WDR62: variants seen among roughly 807,000 people sequenced by gnomAD.
WDR62 encodes WD repeat domain 62.
A neutral mutation model predicts 160.6 loss-of-function variants in WDR62; 112 were observed. The observed-to-expected ratio is 0.70, with a 90% CI of 0.60 to 0.82. WDR62 has a LOEUF of 0.82. Ranked by LOEUF, WDR62 falls within the 40% of genes least tolerant of loss-of-function variation. The pLI is 0.00. For synonymous variants in WDR62, 792 were observed against 815.1 expected, an observed-to-expected ratio of 0.97 and a Z score of 0.48; for missense variants, 1,819 against 1,983.8, an observed-to-expected ratio of 0.92 and a Z score of 1.58.
chr19:36,060,131 C>A, intron 3 of WDR62, 101 bp downstream of exon 3: 3 of 1,182,772 alleles, frequency 2.5e-6, no homozygotes, highest in Middle Eastern at 2.2e-4. Context: ...GGTGCTCACT[C>A]ATTCACTTAC....
intron 11 of WDR62, 69 bp from the exon 12 acceptor site, chr19:36,084,584 C>T: frequency 6.8e-7 from 1 of 1,476,918 alleles, no homozygotes; most frequent in Non-Finnish European, 9.4e-7. Context: ...CCATTCTGAC[C>T]TATTCTAGAA....
chr19:36,088,674 A>G (rs1972401378), intron 13 of WDR62, among the ~76,000 whole-genome samples: 1 of 152,194 alleles, frequency 6.6e-6, no homozygotes, highest in African/African-American at 2.4e-5. Context: ...GTTGATCCTG[A>G]TGGCACGAGC....
At chr19:36,056,881 C>T (rs1970401583) in intron 1 of WDR62, among the ~76,000 whole-genome samples, 1 of 146,572 alleles carries the variant, frequency 6.8e-6, no homozygotes, top group South Asian at 2.2e-4. Flanking sequence ...TTGATCTCGG[C>T]TCACTGCAGT....
rs757773595 is a variant in WDR62, at chr19:36,071,744, G to A, written c.1043+28G>A. On this transcript the variant is annotated intron_variant, in intron 8 of 31. Coordinates refer to ENST00000401500, the MANE Select transcript of WDR62 (RefSeq NM_001083961.2). The stretch of plus-strand genomic sequence containing the variant: ...ACTGCCCTGTGGGGAGAGGGAATGG[G>A]AGGGGCCCACCCAGAGTCTGTCCAC... The A allele has an allele frequency of 1.9e-6, 3 of 1,602,168 alleles. No homozygotes were observed. In the African/African-American group the frequency reaches 4.0e-5, roughly 21 times the overall value.
intron 20 of WDR62, among the ~76,000 whole-genome samples, chr19:36,096,710 C>CAA (rs754659130): frequency 1.6e-4 from 20 of 122,282 alleles, no homozygotes; most frequent in African/African-American, 5.4e-4. Flanking sequence ...GACTCCGTCT[C>CAA]AAAAAAAGAA....
At chr19:36,081,013 A>T (rs1295928107) in intron 9 of WDR62, among the ~76,000 whole-genome samples, 14 of 151,682 alleles carry the variant, frequency 9.2e-5, no homozygotes, top group Admixed American at 9.2e-4. Flanking sequence ...GTAGACTTGA[A>T]CTGCTGGTCT....
At chr19:36,096,248 A>T (rs1972947116) in intron 20 of WDR62, among the ~76,000 whole-genome samples, 1 of 151,682 alleles carries the variant, frequency 6.6e-6, no homozygotes, top group South Asian at 2.1e-4. Context: ...AAGCTCCCAC[A>T]CCCAGCTAAA....
rs752007645 is a variant in WDR62, at chr19:36,101,323, T to G, written c.2971+6T>G. On this transcript the variant is annotated splice_donor_region_variant and intron_variant, in intron 24 of 31. Coordinates refer to ENST00000401500, the MANE Select transcript of WDR62 (RefSeq NM_001083961.2). ...GGACCAGAGCCCGCCTGAGGGTGAG[T>G]GCAGGGCAGGCAGGGACCCTGTGAC... The G allele has an allele frequency of 1.2e-6, 2 of 1,606,828 alleles. No individual in the cohort carries two copies.
At chr19:36,057,287 T>C (rs1416773451) in intron 1 of WDR62, among the ~76,000 whole-genome samples, 2 of 152,218 alleles carry the variant, frequency 1.3e-5, no homozygotes, top group African/African-American at 4.8e-5. Context: ...ACTGATATTA[T>C]GACTGTGTAT....
chr19:36,110,042 A>C (rs1280206588), downstream of WDR62, among the ~76,000 whole-genome samples: 1 of 149,788 alleles, frequency 6.7e-6, no homozygotes, highest in Admixed American at 6.7e-5. Flanking sequence ...GGCAACGAGC[A>C]AAACTCCGCC....
chr19:36,065,391 A>G (rs193095462), intron 3 of WDR62, among the ~76,000 whole-genome samples: 21 of 152,376 alleles, frequency 1.4e-4, no homozygotes, highest in Non-Finnish European at 2.6e-4. Flanking sequence ...GAAACCATAC[A>G]ATCTGGGAAC....
chr19:36,085,728 T>A (rs1471171421), intron 12 of WDR62, among the ~76,000 whole-genome samples: 2 of 152,122 alleles, frequency 1.3e-5, no homozygotes, highest in Non-Finnish European at 2.9e-5. Flanking sequence ...AAATTCCTTC[T>A]GGGCCATCAG....
Position 36,100,835 on chromosome 19 carries a change from T to C in WDR62, c.2827T>C (p.Tyr943His). 1.2e-6 allele frequency: 2 copies of C among 1,614,212 alleles called. No homozygotes were observed. Among genetic ancestry groups the C allele is most frequent in the Non-Finnish European group, 1.7e-6 (2 of 1,180,018 alleles). The change falls in exon 23 of 32, where the codon TAC becomes CAC. Residue 943 changes from tyrosine to histidine, a missense_variant. By Grantham distance (83) the Tyr-to-His change is moderately conservative. Coordinates refer to ENST00000401500, the MANE Select transcript of WDR62 (RefSeq NM_001083961.2). Reference protein sequence around the residue: ...ESSEASELILYSLEAEVTVTG... With the variant: ...ESSEASELILHSLEAEVTVTG... ...ATCTGAGGCCAGTGAGCTCATCCTC[T>C]ACTCTCTGGAGGCAGAAGTGACAGT...
At chr19:36,095,596 C>A (rs1200797080) in intron 20 of WDR62, among the ~76,000 whole-genome samples, 1 of 152,234 alleles carries the variant, frequency 6.6e-6, no homozygotes, top group African/African-American at 2.4e-5. Context: ...GAGTTCGAGA[C>A]CAGCCTGGCC....
At chr19:36,078,758 C>T (rs1971723519) in intron 9 of WDR62, among the ~76,000 whole-genome samples, 1 of 150,890 alleles carries the variant, frequency 6.6e-6, no homozygotes, top group African/African-American at 2.4e-5. Flanking sequence ...ATTGCTTGAA[C>T]CCGGGAGGCA....
chr19:36,091,561 G>A, intron 18 of WDR62, 96 bp downstream of exon 18: 2 of 1,242,310 alleles, frequency 1.6e-6, no homozygotes, highest in Admixed American at 1.7e-5. Flanking sequence ...TGCCCAGTTT[G>A]GATTGTGGGA....
intron 1 of WDR62, among the ~76,000 whole-genome samples, chr19:36,057,432 T>C (rs935310605): frequency 1.3e-5 from 2 of 152,126 alleles, no homozygotes; most frequent in Admixed American, 1.3e-4. Flanking sequence ...ATGAGTGCCA[T>C]GGCTTGGTTG....
intron 7 of WDR62, among the ~76,000 whole-genome samples, chr19:36,068,510 C>T (rs974857605): frequency 2.0e-5 from 3 of 152,302 alleles, no homozygotes; most frequent in African/African-American, 4.8e-5. Flanking sequence ...TGCGGGCTTC[C>T]GCAGTGTTTG....
At chr19:36,091,099 C>T in intron 16 of WDR62, 101 bp from the exon 17 acceptor site, 10 of 1,002,790 alleles carry the variant, frequency 1.0e-5, no homozygotes, top group South Asian at 5.4e-5. Flanking sequence ...CTGCCAGAGT[C>T]CCATGTGCTG....
Sources: gnomAD v4.1 joint callset for allele counts (sites outside exome capture counted in the v4.1 genomes callset) on GRCh38, gnomAD v4.1.1 for gene constraint, MANE v1.5 for transcripts, NCBI Gene and HGNC (gene_info 2026-07-23, HGNC 2026-07-21) for gene names.